SFMBT2: variants seen among roughly 807,000 people sequenced by gnomAD.
SFMBT2 encodes Scm like with four mbt domains 2, also known as scm-like with four MBT domains protein 2.
Under a neutral mutation model 110.1 loss-of-function variants are expected in SFMBT2, and 38 were observed. That is an observed-to-expected ratio of 0.35 (90% CI 0.27 to 0.45). SFMBT2 has a LOEUF of 0.45. Among genes scored for constraint, SFMBT2 ranks in the 20% least tolerant of loss-of-function variants. The pLI, the probability that SFMBT2 is intolerant of heterozygous loss-of-function variation, is 1.00. For missense variants in SFMBT2, 1,011 were observed against 1,094.9 expected, an observed-to-expected ratio of 0.92 and a Z score of 1.08; for synonymous variants, 425 against 425.4, an observed-to-expected ratio of 1.00 and a Z score of 0.01.
rs558360830 is a variant in SFMBT2, at chr10:7,171,134, G to A, written c.2416-78C>T. The A allele has an allele frequency of 3.8e-5, 61 of 1,596,410 alleles. No individual in the cohort carries two copies. The highest frequency in any genetic ancestry group is 3.1e-4 in the East Asian group (14 of 44,544). ...TCCTCTCCAGCACTCTCCAGGCCTCGGCCGTTCCTGGCCGGAAGCCACTGC... is the reference window on the plus strand; with the variant it reads ...TCCTCTCCAGCACTCTCCAGGCCTCAGCCGTTCCTGGCCGGAAGCCACTGC... On this transcript the variant is annotated intron_variant, in intron 19 of 20. Coordinates refer to ENST00000397167, the MANE Select transcript of SFMBT2 (RefSeq NM_001387889.1). The surrounding 1 kb of genome is among the most constrained non-coding windows in gnomAD (Gnocchi z 4.9).
At position 7,164,152 on chromosome 10, in the gene SFMBT2, T is replaced by G. The variant is rs1027432192; in HGVS notation, c.2545-242A>C. 5 of 975,674 alleles carry G rather than the reference T, an allele frequency of 5.1e-6. No homozygotes were observed. In the African/African-American group the frequency reaches 8.8e-5, roughly 17 times the overall value. The allele number at this position is 975,674 out of a possible 1,614,324, so 60.4% of individuals were successfully genotyped here. A position where few individuals can be genotyped will look rare whatever the true frequency, so the allele number is the denominator to read the frequency against. Reference sequence around the variant, plus strand: ...CTATAATTCCAGCACTTTGGAAGGCTGAGGCTGGAGGATCGCTTGAGACCA... The same window carrying G: ...CTATAATTCCAGCACTTTGGAAGGCGGAGGCTGGAGGATCGCTTGAGACCA... On this transcript the variant is annotated intron_variant, in intron 20 of 20. Transcript: ENST00000397167.
chr10:7,359,974 TG>T (rs1564457535), intron 4 of SFMBT2, among the ~76,000 whole-genome samples: 1 of 152,258 alleles, frequency 6.6e-6, no homozygotes, highest in African/African-American at 2.4e-5. Context: ...CTGCCTGATC[TG>T]GGAACAAACA....
chr10:7,251,276 C>G (rs1421105863), intron 7 of SFMBT2, among the ~76,000 whole-genome samples: 1 of 151,892 alleles, frequency 6.6e-6, no homozygotes, highest in Non-Finnish European at 1.5e-5. Flanking sequence ...GAGTTCGAGA[C>G]CAGCCTGGCC....
At chr10:7,192,839 C>G (rs1034912788) in intron 15 of SFMBT2, among the ~76,000 whole-genome samples, 1 of 152,152 alleles carries the variant, frequency 6.6e-6, no homozygotes, top group African/African-American at 2.4e-5. Context: ...ACACCGCATT[C>G]TGGTTCAGGG....
chr10:7,209,915 T>C (rs74407570), intron 11 of SFMBT2, among the ~76,000 whole-genome samples: 9,347 of 152,242 alleles, frequency 0.061, 380 homozygotes, highest in Non-Finnish European at 0.087. Context: ...GAGAAGAAAG[T>C]AAGACTCTTA....
chr10:7,246,696 G>C (rs539662018), intron 8 of SFMBT2, among the ~76,000 whole-genome samples: 1 of 129,672 alleles, frequency 7.7e-6, no homozygotes, highest in African/African-American at 2.9e-5. Context: ...TCTAGCCTGG[G>C]TGACGGAGCA....
intron 4 of SFMBT2, among the ~76,000 whole-genome samples, chr10:7,322,753 C>T (rs1843235668): frequency 6.6e-6 from 1 of 152,122 alleles, no homozygotes; most frequent in Admixed American, 6.5e-5. Flanking sequence ...CAAAACCATA[C>T]TAGCAATCAC....
At chr10:7,285,435 G>A (rs569655377) in intron 5 of SFMBT2, 9 of 152,788 alleles carry the variant, frequency 5.9e-5, no homozygotes, top group African/African-American at 2.2e-4. Context: ...TTGGGGTTAT[G>A]CGTCAAAATA....
intron 4 of SFMBT2, among the ~76,000 whole-genome samples, chr10:7,359,259 G>C (rs1001630450): frequency 2.6e-5 from 4 of 152,354 alleles, no homozygotes; most frequent in Middle Eastern, 3.4e-3. Context: ...AACGGGGCCA[G>C]ATGGGAGCTG....
intron 4 of SFMBT2, among the ~76,000 whole-genome samples, chr10:7,317,404 A>G (rs2131922269): frequency 6.6e-6 from 1 of 152,290 alleles, no homozygotes; most frequent in Middle Eastern, 3.4e-3. Flanking sequence ...GCACTTTGGG[A>G]GGCCAAAGCG....
In SFMBT2 at chr10:7,301,271, G is replaced by A. The variant is rs576798101; in HGVS notation, c.437-15317C>T. ...GTCTTTATGTCATGTGCAAATCAGCGTGAGACACTAGTAACTAGCAAGACA... is the reference window on the plus strand; with the variant it reads ...GTCTTTATGTCATGTGCAAATCAGCATGAGACACTAGTAACTAGCAAGACA... On this transcript the variant is annotated intron_variant, in intron 4 of 20. Coordinates refer to ENST00000397167, the MANE Select transcript of SFMBT2 (RefSeq NM_001387889.1). The surrounding 1 kb of genome is among the most constrained non-coding windows in gnomAD (Gnocchi z 4.2). Among the ~76,000 whole-genome samples the A allele has an allele frequency of 2.3e-4, 35 of 152,334 alleles. No homozygotes were observed. Among genetic ancestry groups the A allele is most frequent in the Non-Finnish European group, 4.4e-4 (30 of 68,038 alleles).
rs544140180 is a variant in SFMBT2 at position 7,340,548 on chromosome 10, T to C, written c.436+27101A>G. ...TCTCTCAATGTTACAACCAACAGGC[T>C]CAAGCAAAGCAGGAGGATGGCTTGA... On this transcript the variant is annotated intron_variant, in intron 4 of 20. Coordinates refer to ENST00000397167, the MANE Select transcript of SFMBT2 (RefSeq NM_001387889.1). Among the ~76,000 whole-genome samples, 79 of 148,384 alleles carry C rather than the reference T, an allele frequency of 5.3e-4. 1 individual carries two copies. The highest frequency in any genetic ancestry group is 1.5e-3 in the Admixed American group (22 of 14,454).
chr10:7,354,483 G>A (rs1190706986), intron 4 of SFMBT2, among the ~76,000 whole-genome samples: 1 of 152,184 alleles, frequency 6.6e-6, no homozygotes, highest in African/African-American at 2.4e-5. Context: ...AGAGGAAAGA[G>A]TGGGAGAGAA....
At chr10:7,327,808 C>T (rs1480703325) in intron 4 of SFMBT2, among the ~76,000 whole-genome samples, 3 of 152,100 alleles carry the variant, frequency 2.0e-5, no homozygotes, top group African/African-American at 7.2e-5. Flanking sequence ...GTTCTTTCAA[C>T]TTTTTTGCTG....
chr10:7,285,991 C>A lies in SFMBT2; in HGVS notation c.437-37G>T, dbSNP rs373728301. The A allele has an allele frequency of 8.1e-4, 676 of 837,646 alleles. 2 individuals carry two copies. In the African/African-American group the frequency reaches 9.0e-3, roughly 11 times the overall value. The allele number at this position is 837,646 out of a possible 1,614,324, so 51.9% of individuals were successfully genotyped here. Reference sequence around the variant, plus strand: ...AAGGAGAAAGAAAAACAAAACAAAACAAAAAAAACACTTCAACACAGCAGC... The same window carrying A: ...AAGGAGAAAGAAAAACAAAACAAAAAAAAAAAAACACTTCAACACAGCAGC... On this transcript the variant is annotated intron_variant, in intron 4 of 20. Transcript: ENST00000397167.
chr10:7,207,615 A>T, intron 11 of SFMBT2: 1 of 984,440 alleles, frequency 1.0e-6, no homozygotes, highest in Non-Finnish European at 1.2e-6. Context: ...ATCTCATAAC[A>T]TCTGAAGAAT....
chr10:7,236,261 C>T (rs993395176), intron 9 of SFMBT2, among the ~76,000 whole-genome samples: 2 of 151,906 alleles, frequency 1.3e-5, no homozygotes, highest in African/African-American at 2.4e-5. Flanking sequence ...AACACAATGC[C>T]GAAATCCAAT....
rs115579361 is a variant in SFMBT2 at position 7,347,196 on chromosome 10, G to T, written c.436+20453C>A. Among the ~76,000 whole-genome samples, 780 of 152,256 alleles carry T rather than the reference G, an allele frequency of 5.1e-3. 9 individuals carry two copies. Among genetic ancestry groups the T allele is most frequent in the African/African-American group, 0.017 (687 of 41,524 alleles). ...GTCTCTTTGTAACTAGGTAGGGCCTGGTGGAATCCCAGGAGACCGAGTTTT... is the reference window on the plus strand; with the variant it reads ...GTCTCTTTGTAACTAGGTAGGGCCTTGTGGAATCCCAGGAGACCGAGTTTT... On this transcript the variant is annotated intron_variant, in intron 4 of 20. Coordinates refer to ENST00000397167, the MANE Select transcript of SFMBT2 (RefSeq NM_001387889.1).
intron 1 of SFMBT2, among the ~76,000 whole-genome samples, chr10:7,399,846 A>C (rs1212800521): frequency 1.3e-5 from 2 of 152,138 alleles, no homozygotes; most frequent in Non-Finnish European, 2.9e-5. Flanking sequence ...GTAGGTTTCC[A>C]CTCACCTTCC....
Sources: gnomAD v4.1 joint callset for allele counts (sites outside exome capture counted in the v4.1 genomes callset) on GRCh38, gnomAD v4.1.1 for gene constraint, Gnocchi (gnomAD v3.1) non-coding constraint, MANE v1.5 for transcripts, NCBI Gene and HGNC (gene_info 2026-07-23, HGNC 2026-07-21) for gene names.